ASCC1: variants seen among roughly 807,000 people sequenced by gnomAD.
ASCC1 encodes activating signal cointegrator 1 complex subunit 1, also known as ASC-1 complex subunit P50.
In ASCC1, 35 loss-of-function variants were observed where a neutral mutation model predicts 46.6. The ratio of observed to expected loss-of-function variants is 0.75; its 90% CI spans 0.57 to 0.99. The LOEUF (loss-of-function observed/expected upper bound fraction) is 0.99, where lower values mean the gene tolerates loss of function less well. ASCC1 is among the 50% of genes least tolerant of loss of function. The pLI is 0.00. For missense variants in ASCC1, 376 were observed against 428.7 expected, an observed-to-expected ratio of 0.88 and a Z score of 1.09; for synonymous variants, 143 against 146.6, an observed-to-expected ratio of 0.98 and a Z score of 0.18.
chr10:72,182,860 C>G (rs113265128), intron 5 of ASCC1, among the ~76,000 whole-genome samples: 10 of 150,002 alleles, frequency 6.7e-5, no homozygotes, highest in African/African-American at 2.2e-4. Flanking sequence ...AAATGCAATG[C>G]CTGACCTTAC....
intron 6 of ASCC1, among the ~76,000 whole-genome samples, chr10:72,155,990 T>C (rs1685666290): frequency 6.6e-6 from 1 of 152,208 alleles, no homozygotes; most frequent in African/African-American, 2.4e-5. Flanking sequence ...GAGAAGAATA[T>C]GGTCACAGGC....
chr10:72,133,546 C>G, intron 7 of ASCC1: 1 of 310,202 alleles, frequency 3.2e-6, no homozygotes, highest in Non-Finnish European at 6.2e-6. Context: ...GAAGAAGAAA[C>G]AGCAAGTGCA....
At chr10:72,191,971 A>G (rs1361058363) in intron 5 of ASCC1, among the ~76,000 whole-genome samples, 1 of 151,922 alleles carries the variant, frequency 6.6e-6, no homozygotes, top group East Asian at 1.9e-4. Context: ...TAGACATAAC[A>G]TTAAGAGTAC....
chr10:72,178,496 G>A lies in ASCC1; in HGVS notation c.490-16822C>T, dbSNP rs561424362. Among the ~76,000 whole-genome samples, 9 of 152,314 alleles carry A rather than the reference G, an allele frequency of 5.9e-5. No individual in the cohort carries two copies. The South Asian group carries it at 1.9e-3, about 32-fold the overall frequency. On this transcript the variant is annotated intron_variant, in intron 5 of 9. Transcript: ENST00000672957. ...TTTGGTGAAGCCAGAGCAGTCACGTGTCAAGGAAACGGCACTTTCAGACAT... is the reference window on the plus strand; with the variant it reads ...TTTGGTGAAGCCAGAGCAGTCACGTATCAAGGAAACGGCACTTTCAGACAT...
At chr10:72,182,563 T>C (rs1852778457) in intron 5 of ASCC1, among the ~76,000 whole-genome samples, 1 of 152,058 alleles carries the variant, frequency 6.6e-6, no homozygotes, top group Non-Finnish European at 1.5e-5. Flanking sequence ...AGATACTATA[T>C]GGGATAAATA....
intron 7 of ASCC1, among the ~76,000 whole-genome samples, chr10:72,149,777 G>A (rs1048706862): frequency 2.0e-5 from 3 of 152,168 alleles, no homozygotes; most frequent in African/African-American, 4.8e-5. Context: ...TCAACCTGGC[G>A]GAAATGTTTT....
At chr10:72,157,797 A>G (rs1335056949) in intron 6 of ASCC1, among the ~76,000 whole-genome samples, 1 of 152,192 alleles carries the variant, frequency 6.6e-6, no homozygotes, top group African/African-American at 2.4e-5. Flanking sequence ...AAATTGTCAT[A>G]CTGCTTTTTA....
intron 6 of ASCC1, among the ~76,000 whole-genome samples, chr10:72,158,444 G>C (rs74145594): frequency 6.6e-6 from 1 of 152,074 alleles, no homozygotes; most frequent in East Asian, 1.9e-4. Context: ...GCCAGTGCAC[G>C]GTCTGTGTCC....
At chr10:72,160,382 CA>C (rs1202164332) in intron 6 of ASCC1, among the ~76,000 whole-genome samples, 4 of 151,998 alleles carry the variant, frequency 2.6e-5, no homozygotes, top group African/African-American at 9.7e-5. Context: ...TCTCTTTTGT[CA>C]ATCTTAAGTA....
At position 72,097,411 on chromosome 10, in the gene ASCC1, A is replaced by C; in HGVS notation, c.997T>G (p.Ser333Ala). The C allele has an allele frequency of 6.2e-7, 1 of 1,613,988 alleles. No homozygotes were observed. The highest frequency in any genetic ancestry group is 1.1e-5 in the South Asian group (1 of 91,080). ...GTGAACCTCTGAGAGATGTGAATTG[A>C]ATTCAGCTTTAGGGAGCCAAAGTAG... is the stretch of plus-strand genomic sequence containing the variant. ...NFYFGSLKLN[S>A]IHISQRFTVD... Residue 333 changes from serine (S) to alanine (A), a missense_variant, in exon 10 of 10, where the codon TCA becomes GCA. Ser to Ala is a moderately conservative substitution (Grantham distance 99). Coordinates refer to ENST00000672957, the MANE Select transcript of ASCC1 (RefSeq NM_001198800.3).
At chr10:72,170,982 A>T (rs1417988149) in intron 5 of ASCC1, among the ~76,000 whole-genome samples, 1 of 152,064 alleles carries the variant, frequency 6.6e-6, no homozygotes, top group East Asian at 1.9e-4. Flanking sequence ...CAATATTTTT[A>T]ATTAAAATAT....
At chr10:72,170,609 A>G (rs940026209) in intron 5 of ASCC1, among the ~76,000 whole-genome samples, 58 of 151,668 alleles carry the variant, frequency 3.8e-4, no homozygotes, top group Non-Finnish European at 5.6e-4. Flanking sequence ...AAAAAAAAAA[A>G]AAAAGAAAGA....
rs1198552939 is a variant in ASCC1, at chr10:72,188,319, A to G, written c.489+8492T>C. On this transcript the variant is annotated intron_variant, in intron 5 of 9. Coordinates refer to ENST00000672957, the MANE Select transcript of ASCC1 (RefSeq NM_001198800.3). Reference sequence around the variant, plus strand: ...TTTTTAGTAGAGATGGGGTTTCACTATTTTGGCCAGGCTGGTCTCGAACTC... The same window carrying G: ...TTTTTAGTAGAGATGGGGTTTCACTGTTTTGGCCAGGCTGGTCTCGAACTC... Among the ~76,000 whole-genome samples, 3 of 151,338 alleles carry G rather than the reference A, an allele frequency of 2.0e-5. No homozygotes were observed. The East Asian group carries it at 5.9e-4, about 30-fold the overall frequency.
chr10:72,119,404 C>T (rs1044049341), intron 9 of ASCC1, among the ~76,000 whole-genome samples: 6 of 152,188 alleles, frequency 3.9e-5, no homozygotes, highest in Admixed American at 3.3e-4. Context: ...TAGCCATCCA[C>T]AGTGGGGAAG....
At chr10:72,215,618 T>A (rs1859070854) in intron 1 of ASCC1, among the ~76,000 whole-genome samples, 2 of 151,382 alleles carry the variant, frequency 1.3e-5, no homozygotes, top group South Asian at 4.2e-4. Flanking sequence ...AAAAAAAAAA[T>A]GTTCCCCACA....
At chr10:72,190,800 A>G (rs56658431) in intron 5 of ASCC1, among the ~76,000 whole-genome samples, 20,676 of 151,632 alleles carry the variant, frequency 0.14, 4,035 homozygotes, top group African/African-American at 0.43. Context: ...GATCGAGACC[A>G]TCCTGGCCAA....
At chr10:72,118,006 T>C (rs1046360650) in intron 9 of ASCC1, among the ~76,000 whole-genome samples, 1 of 152,156 alleles carries the variant, frequency 6.6e-6, no homozygotes, top group Non-Finnish European at 1.5e-5. Flanking sequence ...CAATAGATAA[T>C]CAAGGAAAGA....
intron 5 of ASCC1, among the ~76,000 whole-genome samples, chr10:72,183,546 G>A (rs1852970744): frequency 6.6e-6 from 1 of 152,106 alleles, no homozygotes; most frequent in Non-Finnish European, 1.5e-5. Context: ...CTACTCGGGA[G>A]GCTGAGGCAG....
intron 5 of ASCC1, among the ~76,000 whole-genome samples, chr10:72,184,143 C>CA (rs774718224): frequency 3.5e-4 from 48 of 136,492 alleles, no homozygotes; most frequent in Non-Finnish European, 5.3e-4. Context: ...GACTCCATCT[C>CA]AAAAAATAAA....
Sources: allele counts gnomAD v4.1 joint callset (sites outside exome capture counted in the v4.1 genomes callset), GRCh38; gene constraint gnomAD v4.1.1; transcripts MANE v1.5; gene names NCBI Gene and HGNC (gene_info 2026-07-23, HGNC 2026-07-21).